The following CCDC6 variants were observed in gnomAD, a reference collection of about 807,000 sequenced individuals.
The protein encoded by CCDC6 is coiled-coil domain-containing protein 6.
A neutral mutation model predicts 56.6 loss-of-function variants in CCDC6; 20 were observed. The ratio of observed to expected loss-of-function variants is 0.35; its 90% confidence interval spans 0.25 to 0.51. The LOEUF (loss-of-function observed/expected upper bound fraction) is 0.51. Among genes scored for constraint, CCDC6 ranks in the 20% least tolerant of loss-of-function variants. CCDC6 has a pLI of 0.95. For synonymous variants in CCDC6, 241 were observed against 234.4 expected (o/e 1.03, Z -0.26); for missense variants, 367 against 601.1 (o/e 0.61, Z 4.07).
chr10:59,833,074 T>C (rs574612513), intron 2 of CCDC6, among the ~76,000 whole-genome samples: 5 of 152,364 alleles, frequency 3.3e-5, no homozygotes, highest in African/African-American at 9.6e-5. Context: ...CAAGTAAGCA[T>C]GCCTTCATAA....
chr10:59,807,110 T>A, intron 5 of CCDC6, 32 bp from the exon 6 acceptor site: 1 of 1,602,020 alleles, frequency 6.2e-7, no homozygotes, highest in Non-Finnish European at 8.5e-7. Context: ...TTAAACCATG[T>A]TTCATGCAAT....
intron 1 of CCDC6, among the ~76,000 whole-genome samples, chr10:59,865,045 G>A (rs1282979885): frequency 6.6e-6 from 1 of 152,174 alleles, no homozygotes; most frequent in Admixed American, 6.5e-5. Context: ...AGCTACTGGG[G>A]AAGTTCTTCA....
intron 1 of CCDC6, among the ~76,000 whole-genome samples, chr10:59,855,349 C>T (rs776608913): frequency 2.6e-5 from 4 of 152,186 alleles, no homozygotes; most frequent in African/African-American, 4.8e-5. Flanking sequence ...GGGTGGATCA[C>T]GAGGTCAGGA....
chr10:59,817,063 A>G (rs2070715395), intron 3 of CCDC6, among the ~76,000 whole-genome samples: 1 of 152,240 alleles, frequency 6.6e-6, no homozygotes. Flanking sequence ...AATGTTAAAC[A>G]ATTCCTACCT....
At chr10:59,797,313 A>C (rs2070529066) in intron 7 of CCDC6, among the ~76,000 whole-genome samples, 1 of 152,094 alleles carries the variant, frequency 6.6e-6, no homozygotes, top group Non-Finnish European at 1.5e-5. Flanking sequence ...ATTATACTAC[A>C]GTTAACAGTA....
At chr10:59,867,085 G>A (rs2071183996) in intron 1 of CCDC6, among the ~76,000 whole-genome samples, 1 of 152,170 alleles carries the variant, frequency 6.6e-6, no homozygotes, top group Non-Finnish European at 1.5e-5. Flanking sequence ...GCAAGCTTTT[G>A]TAGGGTAAAT....
intron 6 of CCDC6, chr10:59,805,560 T>C (rs953223314): frequency 1.3e-5 from 2 of 152,222 alleles, no homozygotes; most frequent in African/African-American, 2.4e-5. Context: ...CCAAACTGGG[T>C]CCCAGATGCT....
At chr10:59,815,351 C>T (rs547264288) in intron 3 of CCDC6, among the ~76,000 whole-genome samples, 19 of 152,194 alleles carry the variant, frequency 1.2e-4, no homozygotes, top group Non-Finnish European at 2.1e-4. Flanking sequence ...TTTGCAGTTG[C>T]GGAGGGAACC....
intron 1 of CCDC6, among the ~76,000 whole-genome samples, chr10:59,878,556 C>T (rs1257269423): frequency 6.6e-6 from 1 of 152,164 alleles, no homozygotes; most frequent in Non-Finnish European, 1.5e-5. Flanking sequence ...AACAGGGGTG[C>T]CAGAAATCAG....
intron 6 of CCDC6, 22 bp downstream of exon 6, chr10:59,806,900 G>C: frequency 6.3e-7 from 1 of 1,595,466 alleles, no homozygotes; most frequent in Middle Eastern, 1.7e-4. Flanking sequence ...ACAAAAACAA[G>C]GCTCATAAGA....
chr10:59,833,344 G>A (rs2070849386), intron 2 of CCDC6, among the ~76,000 whole-genome samples: 1 of 152,132 alleles, frequency 6.6e-6, no homozygotes, highest in African/African-American at 2.4e-5. Flanking sequence ...GGCTACTTGG[G>A]AGGCTGAGAC....
intron 1 of CCDC6, among the ~76,000 whole-genome samples, chr10:59,890,971 A>G (rs1350846440): frequency 2.0e-5 from 3 of 152,066 alleles, no homozygotes; most frequent in African/African-American, 7.3e-5. Context: ...CCTATGAGTG[A>G]GAACATGTGG....
chr10:59,904,240 C>T (rs913385182), intron 1 of CCDC6, among the ~76,000 whole-genome samples: 3 of 152,200 alleles, frequency 2.0e-5, no homozygotes, highest in African/African-American at 7.2e-5. Context: ...ATACGCTCTT[C>T]TAGCCAAGTA....
intron 1 of CCDC6, among the ~76,000 whole-genome samples, chr10:59,869,323 G>A (rs1270014523): frequency 1.7e-5 from 2 of 117,914 alleles, no homozygotes; most frequent in Admixed American, 1.2e-4. Context: ...CAACATAATC[G>A]ACCCCAAACA....
intron 1 of CCDC6, among the ~76,000 whole-genome samples, chr10:59,896,274 T>A (rs372243042): frequency 4.7e-4 from 71 of 152,284 alleles, no homozygotes; most frequent in South Asian, 1.4e-3. Flanking sequence ...GCAACCATGA[T>A]CTGTGAAGTG....
intron 3 of CCDC6, among the ~76,000 whole-genome samples, chr10:59,817,754 C>A (rs935523784): frequency 3.3e-5 from 5 of 152,154 alleles, no homozygotes; most frequent in Admixed American, 6.5e-5. Flanking sequence ...TGACTCTGAG[C>A]AGGTCACTCA....
intron 2 of CCDC6, among the ~76,000 whole-genome samples, chr10:59,850,831 C>T (rs749952822): frequency 1.3e-5 from 2 of 152,062 alleles, no homozygotes; most frequent in South Asian, 2.1e-4. Flanking sequence ...CCTTCTTACA[C>T]CAAGTATACA....
At chr10:59,862,026 T>C (rs1473637519) in intron 1 of CCDC6, among the ~76,000 whole-genome samples, 1 of 152,002 alleles carries the variant, frequency 6.6e-6, no homozygotes, top group African/African-American at 2.4e-5. Context: ...CAAATAATTA[T>C]AACCAAACTA....
intron 1 of CCDC6, among the ~76,000 whole-genome samples, chr10:59,866,939 A>G (rs1249896404): frequency 1.3e-5 from 2 of 152,172 alleles, no homozygotes; most frequent in Admixed American, 6.5e-5. Flanking sequence ...GGGTAACTAA[A>G]TGTTGGGTGA....
Sources: allele counts gnomAD v4.1 joint callset (sites outside exome capture counted in the v4.1 genomes callset), GRCh38; gene constraint gnomAD v4.1.1; transcripts MANE v1.5; gene names NCBI Gene and HGNC (gene_info 2026-07-23, HGNC 2026-07-21).